Variants in ZNF385D observed in about 807,000 individuals in gnomAD.
The protein encoded by ZNF385D is zinc finger protein 385D.
ZNF385D carries 15 observed loss-of-function variants against 35.8 expected under a neutral mutation model. The ratio of observed to expected loss-of-function variants is 0.42; its 90% CI spans 0.28 to 0.64. ZNF385D has a LOEUF of 0.64. Ranked by LOEUF, ZNF385D falls within the 30% of genes least tolerant of loss-of-function variation. The pLI is 0.23. For synonymous variants in ZNF385D, 212 were observed against 186.8 expected (o/e 1.13, Z -1.10); for missense variants, 474 against 494.6 (o/e 0.96, Z 0.39).
chr3:22,275,593 C>G (rs1246352359), intron 2 of ZNF385D, among the ~76,000 whole-genome samples: 2 of 152,052 alleles, frequency 1.3e-5, no homozygotes, highest in African/African-American at 4.8e-5. Context: ...GGTTAATATT[C>G]TTATCTAAAA....
chr3:21,785,366 CCAT>C (rs1253352727), intron 3 of ZNF385D, among the ~76,000 whole-genome samples: 1 of 152,030 alleles, frequency 6.6e-6, no homozygotes, highest in African/African-American at 2.4e-5. Flanking sequence ...CCTACAGTTA[CCAT>C]CATTTTTTTT....
chr3:21,476,503 G>T (rs1327003657), intron 4 of ZNF385D, among the ~76,000 whole-genome samples: 5 of 152,008 alleles, frequency 3.3e-5, no homozygotes, highest in South Asian at 4.2e-4. Flanking sequence ...AGTAGGAAAT[G>T]CTACATATAT....
chr3:21,960,328 A>G (rs1702518696), intron 3 of ZNF385D, among the ~76,000 whole-genome samples: 1 of 112,654 alleles, frequency 8.9e-6, no homozygotes, highest in Middle Eastern at 4.5e-3. Context: ...CAAATATCCA[A>G]AAAAAAATGC....
chr3:21,861,786 C>T (rs1697067756), intron 3 of ZNF385D, among the ~76,000 whole-genome samples: 1 of 152,128 alleles, frequency 6.6e-6, no homozygotes, highest in Non-Finnish European at 1.5e-5. Context: ...AGGGCAATTT[C>T]ATCTCTCTCA....
At chr3:21,469,228 C>T (rs946201926) in intron 4 of ZNF385D, among the ~76,000 whole-genome samples, 2 of 152,114 alleles carry the variant, frequency 1.3e-5, no homozygotes, top group Admixed American at 6.6e-5. Context: ...CATAATGATT[C>T]GCATGCTGTA....
chr3:21,951,817 C>T lies in ZNF385D; in HGVS notation c.325+217000G>A, dbSNP rs529541257. On this transcript the variant is annotated intron_variant, in intron 3 of 5. Transcript: ENST00000494108. ...TTGGCTTAAAGGTAGGATTCTCCCC[C>T]ACTCTTGAGTTTATATTCTTTTATT... 1.3e-3 allele frequency among the ~76,000 whole-genome samples: 201 copies of T among 151,600 alleles called. 1 individual carries two copies. The highest frequency in any genetic ancestry group is 2.5e-3 in the Non-Finnish European group (169 of 67,956).
chr3:21,444,669 G>A (rs1270864892), intron 4 of ZNF385D, among the ~76,000 whole-genome samples: 3 of 152,100 alleles, frequency 2.0e-5, no homozygotes, highest in Admixed American at 1.3e-4. Context: ...TTACAGGTGT[G>A]AGCCACTGCG....
chr3:22,074,740 C>T (rs544348510), intron 3 of ZNF385D, among the ~76,000 whole-genome samples: 6 of 151,842 alleles, frequency 4.0e-5, no homozygotes, highest in East Asian at 1.9e-4. Context: ...CTGGTCTTCC[C>T]GACACTGTTC....
At chr3:21,505,373 G>A (rs1304362039) in intron 4 of ZNF385D, among the ~76,000 whole-genome samples, 1 of 145,508 alleles carries the variant, frequency 6.9e-6, no homozygotes, top group African/African-American at 2.6e-5. Flanking sequence ...AAGATTGAAG[G>A]AACAGACTCT....
chr3:22,025,138 CTT>C (rs2125463015), intron 3 of ZNF385D, among the ~76,000 whole-genome samples: 2 of 152,206 alleles, frequency 1.3e-5, no homozygotes, highest in East Asian at 3.9e-4. Flanking sequence ...CTGATGAACA[CTT>C]TTTGCCAGAA....
intron 3 of ZNF385D, among the ~76,000 whole-genome samples, chr3:21,799,675 T>A (rs572810043): frequency 1.3e-5 from 2 of 152,302 alleles, no homozygotes; most frequent in East Asian, 3.9e-4. Flanking sequence ...GTATTAGACC[T>A]TAACAGGCAT....
intron 1 of ZNF385D, among the ~76,000 whole-genome samples, chr3:21,670,773 A>G (rs1209070168): frequency 1.4e-5 from 2 of 147,108 alleles, no homozygotes; most frequent in African/African-American, 5.0e-5. Flanking sequence ...ACGCCTACTT[A>G]TACCCCCTCC....
chr3:22,130,994 A>G (rs556093693), intron 3 of ZNF385D, among the ~76,000 whole-genome samples: 1 of 152,292 alleles, frequency 6.6e-6, no homozygotes, highest in African/African-American at 2.4e-5. Flanking sequence ...CAGGCTAAAA[A>G]AAAATATTGA....
intron 3 of ZNF385D, among the ~76,000 whole-genome samples, chr3:21,876,629 G>A (rs1305618560): frequency 6.6e-6 from 1 of 151,704 alleles, no homozygotes; most frequent in Non-Finnish European, 1.5e-5. Flanking sequence ...GAACAGAACA[G>A]CTTTTCCATA....
chr3:21,628,105 C>T (rs548409360), intron 2 of ZNF385D, among the ~76,000 whole-genome samples: 12 of 152,166 alleles, frequency 7.9e-5, no homozygotes, highest in African/African-American at 2.6e-4. Flanking sequence ...CGGACAAAGG[C>T]CTGTTTAATG....
Position 21,975,769 on chromosome 3 carries a change from A to G in ZNF385D, c.325+193048T>C, listed in dbSNP as rs1411497455. On this transcript the variant is annotated intron_variant, in intron 3 of 5. Transcript: ENST00000494108. ...TATATATATATACACACACTATGGT[A>G]TCCACAAAAATATATATCTACTATG... 2.1e-5 allele frequency among the ~76,000 whole-genome samples: 3 copies of G among 142,188 alleles called. No homozygotes were observed. In the Admixed American group the frequency reaches 2.2e-4, roughly 10 times the overall value. The allele number at this position is 142,188 out of a possible 152,430, so 93.3% of individuals were successfully genotyped here.
intron 2 of ZNF385D, among the ~76,000 whole-genome samples, chr3:21,637,635 C>T (rs745932851): frequency 5.3e-5 from 8 of 152,038 alleles, no homozygotes; most frequent in Admixed American, 1.3e-4. Context: ...AGAACTTCTT[C>T]GGCAACTGAT....
intron 3 of ZNF385D, among the ~76,000 whole-genome samples, chr3:21,864,439 C>T (rs1251232666): frequency 6.6e-6 from 1 of 152,056 alleles, no homozygotes; most frequent in Non-Finnish European, 1.5e-5. Context: ...TCCTCTAATT[C>T]TAGCAGTGTA....
intron 2 of ZNF385D, among the ~76,000 whole-genome samples, chr3:21,583,511 G>A (rs1483512824): frequency 1.3e-5 from 2 of 152,032 alleles, no homozygotes; most frequent in African/African-American, 4.8e-5. Flanking sequence ...CCAGTCCAGA[G>A]GTAAATATTT....
Sources: gnomAD v4.1 joint callset for allele counts (sites outside exome capture counted in the v4.1 genomes callset) on GRCh38, gnomAD v4.1.1 for gene constraint, MANE v1.5 for transcripts, NCBI Gene and HGNC (gene_info 2026-07-23, HGNC 2026-07-21) for gene names.